Variants in NME9 observed in about 807,000 individuals in gnomAD.
NME9 encodes the protein thioredoxin domain-containing protein 6.
NME9 carries 48 observed loss-of-function variants against 44.4 expected under a neutral mutation model. That is an observed-to-expected ratio of 1.08 (90% CI 0.86 to 1.37). The LOEUF (loss-of-function observed/expected upper bound fraction) is 1.37, where lower values mean the gene tolerates loss of function less well. Among genes scored for constraint, NME9 ranks in the 40% most tolerant of loss-of-function variants. NME9 has a pLI of 0.00. For missense variants in NME9, 325 were observed against 405.2 expected (o/e 0.80, Z 1.70); for synonymous variants, 139 against 147.1 (o/e 0.94, Z 0.40).
rs992445881 is a variant in NME9, at chr3:138,287,358, G to A, written c.745+16149C>T. 1.2e-4 allele frequency among the ~76,000 whole-genome samples: 18 copies of A among 151,972 alleles called. 1 individual carries two copies. The highest frequency in any genetic ancestry group is 1.0e-3 in the Admixed American group (16 of 15,258). ...AAGCCCCTTGCTCTTTGCACATCTGGCACCTTCCTATTCTTTAAGTCTCTG... is the reference window on the plus strand; with the variant it reads ...AAGCCCCTTGCTCTTTGCACATCTGACACCTTCCTATTCTTTAAGTCTCTG... On this transcript the variant is annotated intron_variant, in intron 8 of 8. Coordinates refer to the NME9 transcript ENST00000317876.
intron 6 of NME9, among the ~76,000 whole-genome samples, chr3:138,313,679 G>A (rs1166316094): frequency 6.6e-6 from 1 of 152,138 alleles, no homozygotes; most frequent in Non-Finnish European, 1.5e-5. Context: ...ATCAATGGAT[G>A]AATAAAGAAA....
At chr3:138,285,911 A>G (rs1205132982) in intron 8 of NME9, among the ~76,000 whole-genome samples, 1 of 152,168 alleles carries the variant, frequency 6.6e-6, no homozygotes, top group East Asian at 1.9e-4. Context: ...ACCCATCGAG[A>G]CATACCCATT....
downstream of NME9, among the ~76,000 whole-genome samples, chr3:138,298,965 G>C (rs1332408021): frequency 1.3e-5 from 2 of 152,196 alleles, no homozygotes; most frequent in African/African-American, 2.4e-5. Context: ...GGCGAAGAGA[G>C]TAGGAGCAGG....
Position 138,301,523 on chromosome 3 carries a change from A to ACAAAAG in NME9, c.*111_*116dup. 1 of 1,474,872 alleles carries ACAAAAG rather than the reference A, an allele frequency of 6.8e-7. No homozygotes were observed. Among genetic ancestry groups the ACAAAAG allele is most frequent in the South Asian group, 1.3e-5 (1 of 74,108 alleles). 91.4% of individuals were successfully genotyped at this position (1,474,872 alleles called of 1,614,324 possible). On this transcript the variant is annotated 3_prime_UTR_variant, in exon 11 of 11. Transcript: ENST00000333911. ...CCCAGCCATATTATTTTCATTGTCTACAAAAGACAGCTAAACCAAAAAGTA... is the reference window on the plus strand; with the variant it reads ...CCCAGCCATATTATTTTCATTGTCTACAAAAGCAAAAGACAGCTAAACCAAAAAGTA...
At chr3:138,274,721 G>A (rs933661280) in intron 8 of NME9, among the ~76,000 whole-genome samples, 5 of 152,170 alleles carry the variant, frequency 3.3e-5, no homozygotes, top group African/African-American at 1.2e-4. Context: ...ACTTCTTCCT[G>A]AAATAGAGGA....
rs1322978430 is a variant in NME9, at chr3:138,314,392, G to C, written c.400C>G (p.Leu134Val). The change falls in exon 6 of 11, where the codon CTT (leucine) becomes GTT (valine). Residue 134 changes from leucine to valine, a missense_variant. Transcript: ENST00000333911. ...RERKVIKDEA[L>V]SDEDECVSHG... is the part of the protein sequence containing the mutation. Reference sequence around the variant, plus strand: ...GAAACACATTCATCTTCATCAGAAAGAGCCTCATCTTTAATCTAGTACAAA... The same window carrying C: ...GAAACACATTCATCTTCATCAGAAACAGCCTCATCTTTAATCTAGTACAAA... 1 of 1,606,668 alleles carries C rather than the reference G, an allele frequency of 6.2e-7. No homozygotes were observed. The highest frequency in any genetic ancestry group is 8.5e-7 in the Non-Finnish European group (1 of 1,174,168).
At chr3:138,312,476 C>T (rs1273987451) in intron 6 of NME9, among the ~76,000 whole-genome samples, 1 of 152,188 alleles carries the variant, frequency 6.6e-6, no homozygotes, top group Non-Finnish European at 1.5e-5. Context: ...TCATTTTCAA[C>T]AAAGGTGCCA....
intron 2 of NME9, among the ~76,000 whole-genome samples, chr3:138,323,330 C>T (rs950841153): frequency 4.6e-5 from 7 of 152,156 alleles, no homozygotes; most frequent in South Asian, 2.1e-4. Flanking sequence ...GCAGGAGAAT[C>T]GCTTGAACCC....
chr3:138,279,663 G>A (rs2108336428), intron 8 of NME9, among the ~76,000 whole-genome samples: 1 of 152,252 alleles, frequency 6.6e-6, no homozygotes, highest in Admixed American at 6.5e-5. Flanking sequence ...GAATCATCTG[G>A]ATACGATGAC....
chr3:138,313,229 A>G (rs1349461574), intron 6 of NME9, among the ~76,000 whole-genome samples: 1 of 152,182 alleles, frequency 6.6e-6, no homozygotes, highest in Non-Finnish European at 1.5e-5. Flanking sequence ...AGTCTCTACT[A>G]AAAATGTAAA....
intron 8 of NME9, among the ~76,000 whole-genome samples, chr3:138,279,204 G>A (rs1355471229): frequency 1.3e-5 from 2 of 151,926 alleles, no homozygotes; most frequent in East Asian, 1.9e-4. Context: ...AGTTTGTTGA[G>A]TTTTTACCAT....
At chr3:138,274,952 C>G (rs1016794219) in intron 8 of NME9, among the ~76,000 whole-genome samples, 8 of 152,192 alleles carry the variant, frequency 5.3e-5, no homozygotes, top group Admixed American at 3.3e-4. Flanking sequence ...ATTCCTCATC[C>G]TGGAGATAGT....
intron 6 of NME9, among the ~76,000 whole-genome samples, chr3:138,310,222 T>C (rs1300578670): frequency 6.6e-6 from 1 of 151,916 alleles, no homozygotes; most frequent in East Asian, 1.9e-4. Flanking sequence ...GTAACAATTA[T>C]AAATATCTAC....
At chr3:138,303,345 T>C in intron 10 of NME9, 162 bp downstream of exon 10, 1 of 521,128 alleles carries the variant, frequency 1.9e-6, no homozygotes, top group Non-Finnish European at 3.4e-6. Context: ...AGTTTAGTAT[T>C]GATAATCAAG....
chr3:138,293,040 C>T (rs1373335125), intron 8 of NME9, among the ~76,000 whole-genome samples: 1 of 152,196 alleles, frequency 6.6e-6, no homozygotes, highest in African/African-American at 2.4e-5. Context: ...TCCACCCTCC[C>T]CTCCAGGCTT....
chr3:138,308,945 GA>G (rs1002890235), intron 6 of NME9, among the ~76,000 whole-genome samples: 7,982 of 52,980 alleles, frequency 0.15, 540 homozygotes, highest in African/African-American at 0.29. Flanking sequence ...AATACTGAAA[GA>G]AAAAAAAAAA....
chr3:138,263,966 A>G, intron 8 of NME9: 2 of 969,156 alleles, frequency 2.1e-6, no homozygotes, highest in Non-Finnish European at 3.2e-6. Flanking sequence ...AACATTGTCT[A>G]ACAGAGAGCC....
intron 8 of NME9, among the ~76,000 whole-genome samples, chr3:138,273,291 G>A (rs2048954911): frequency 1.3e-5 from 2 of 152,154 alleles, no homozygotes; most frequent in African/African-American, 4.8e-5. Context: ...GGTGTTCTGG[G>A]AGCTGCTTCA....
At chr3:138,280,990 T>G (rs1294224305) in intron 8 of NME9, among the ~76,000 whole-genome samples, 1 of 152,156 alleles carries the variant, frequency 6.6e-6, no homozygotes, top group African/African-American at 2.4e-5. Flanking sequence ...ATTTCAATTT[T>G]TGCAGGCTCT....
Sources: gnomAD v4.1 joint callset for allele counts (sites outside exome capture counted in the v4.1 genomes callset) on GRCh38, gnomAD v4.1.1 for gene constraint, MANE v1.5 for transcripts, NCBI Gene and HGNC (gene_info 2026-07-23, HGNC 2026-07-21) for gene names.